Variants in TRIM66 observed in about 807,000 individuals in gnomAD.
TRIM66 encodes the protein tripartite motif-containing protein 66.
A neutral mutation model predicts 148.2 loss-of-function variants in TRIM66; 99 were observed. That is an observed-to-expected ratio of 0.67 (90% CI 0.57 to 0.79). The LOEUF (loss-of-function observed/expected upper bound fraction) is 0.79, where lower values mean the gene tolerates loss of function less well. Among genes scored for constraint, TRIM66 ranks in the 30% least tolerant of loss-of-function variants. The pLI is 0.00. For synonymous variants in TRIM66, 616 were observed against 635.9 expected, an observed-to-expected ratio of 0.97 and a Z score of 0.47; for missense variants, 1,666 against 1,697.9, an observed-to-expected ratio of 0.98 and a Z score of 0.33.
chr11:8,640,767 G>C lies in TRIM66; in HGVS notation c.1608C>G (p.Pro536=), dbSNP rs780500966. ...KLLQPWLETQ[P]PVEQESTSQR... Reference sequence around the variant, plus strand: ...GGGATGTGCTCTCCTGCTCCACGGGGGGCTGGGTTTCCAGCCAGGGCTGCA... The same window carrying C: ...GGGATGTGCTCTCCTGCTCCACGGGCGGCTGGGTTTCCAGCCAGGGCTGCA... The change falls in exon 14 of 25, where the codon CCC becomes CCG. Residue 536 remains proline, a synonymous_variant. Transcript: ENST00000646038. 12 of 1,551,336 alleles carry C rather than the reference G, an allele frequency of 7.7e-6. No individual in the cohort carries two copies. Among genetic ancestry groups the C allele is most frequent in the Non-Finnish European group, 1.0e-5 (12 of 1,147,008 alleles).
Position 8,640,883 on chromosome 11 carries a change from T to C in TRIM66, c.1492A>G (p.Met498Val), listed in dbSNP as rs377260488. 57 of 1,550,224 alleles carry C rather than the reference T, an allele frequency of 3.7e-5. No homozygotes were observed. The highest frequency in any genetic ancestry group is 4.7e-5 in the Non-Finnish European group (54 of 1,146,924). ...AGAGACCCCAGCTGCTGGGGCACCA[T>C]CTCAGGGGGCTGCCTGAAGCTGTGG... ...PAHSFRQPPEMVPQQLGSLQC... is the reference protein window; with the variant it reads ...PAHSFRQPPEVVPQQLGSLQC... The change falls in exon 14 of 25, where the codon ATG (methionine) becomes GTG (valine). Residue 498 changes from methionine (M) to valine (V), a missense_variant. Physicochemically the swap from Met to Val is conservative, Grantham distance 21 (BLOSUM62 1). Coordinates refer to ENST00000646038, the MANE Select transcript of TRIM66 (RefSeq NM_001388022.1).
intron 6 of TRIM66, among the ~76,000 whole-genome samples, chr11:8,660,623 A>C (rs2038181411): frequency 1.3e-5 from 2 of 152,238 alleles, no homozygotes; most frequent in African/African-American, 4.8e-5. Flanking sequence ...TTTACTATCT[A>C]GCCTTGTGCA....
chr11:8,638,546 A>G, intron 15 of TRIM66, 108 bp downstream of exon 15: 1 of 1,249,432 alleles, frequency 8.0e-7, no homozygotes, highest in Non-Finnish European at 1.1e-6. Flanking sequence ...GCGTCCAGGG[A>G]TGGAACAGGG....
Position 8,624,369 on chromosome 11 carries a change from C to G in TRIM66, c.3009G>C (p.Gln1003His). ...VSTSTALQQY[Q>H]NPKECENFEQ... ...CTGCTTGAGTCTCACCTTTTGGGTTCTGGTACTGCTGCAGAGCTGTAGACG... is the reference window on the plus strand; with the variant it reads ...CTGCTTGAGTCTCACCTTTTGGGTTGTGGTACTGCTGCAGAGCTGTAGACG... The change falls in exon 17 of 25, where the codon CAG becomes CAC. Residue 1003 changes from glutamine (Q) to histidine (H), a missense_variant. Physicochemically the swap from Gln to His is conservative, Grantham distance 24. Transcript: ENST00000646038. 6.4e-7 allele frequency: 1 copy of G among 1,550,678 alleles called. No homozygotes were observed. Among genetic ancestry groups the G allele is most frequent in the Non-Finnish European group, 8.7e-7 (1 of 1,146,752 alleles).
chr11:8,670,750 G>A (rs1458570915), intron 6 of TRIM66, among the ~76,000 whole-genome samples: 3 of 152,112 alleles, frequency 2.0e-5, no homozygotes, highest in Middle Eastern at 3.2e-3. Flanking sequence ...CTAAGTTTAT[G>A]TTTAAAAATC....
At chr11:8,621,925 A>G (rs2034261744) in intron 18 of TRIM66, 106 bp from the exon 19 acceptor site, 1 of 1,135,148 alleles carries the variant, frequency 8.8e-7, no homozygotes, top group Non-Finnish European at 1.2e-6. Flanking sequence ...TTGAGTGTCA[A>G]CTTGATTGGA....
intron 3 of TRIM66, among the ~76,000 whole-genome samples, chr11:8,678,675 G>A (rs999575206): frequency 6.6e-6 from 1 of 152,156 alleles, no homozygotes; most frequent in Admixed American, 6.5e-5. Context: ...TTCCCATCTT[G>A]ATTAACAGTG....
chr11:8,659,224 C>T (rs930620354), intron 6 of TRIM66, among the ~76,000 whole-genome samples: 5 of 152,062 alleles, frequency 3.3e-5, no homozygotes, highest in African/African-American at 7.2e-5. Flanking sequence ...ATGCTAAGCT[C>T]AGGAGCTTGA....
At chr11:8,631,812 T>C (rs9633894) in intron 15 of TRIM66, among the ~76,000 whole-genome samples, 133,107 of 152,258 alleles carry the variant, frequency 0.87, 58,333 homozygotes, top group South Asian at 0.9. Context: ...AGTTTATGAT[T>C]TCCTACAGAA....
chr11:8,621,768 C>T lies in TRIM66; in HGVS notation c.3132G>A (p.Lys1044=), dbSNP rs930163546. The T allele has an allele frequency of 1.9e-6, 3 of 1,551,102 alleles. No individual in the cohort carries two copies. In the African/African-American group the frequency reaches 4.1e-5, roughly 21 times the overall value. ...KIPYVRLERL[K]ICAASSGEMP... is the part of the protein sequence containing the mutation. ...TCTCTCCTGAGGAGGCAGCACAGATCTTGAGTCGCTCCAGTCGCACATAGG... is the reference window on the plus strand; with the variant it reads ...TCTCTCCTGAGGAGGCAGCACAGATTTTGAGTCGCTCCAGTCGCACATAGG... The change falls in exon 19 of 25, where the codon AAG becomes AAA. Residue 1044 remains lysine, a synonymous_variant. Coordinates refer to ENST00000646038, the MANE Select transcript of TRIM66 (RefSeq NM_001388022.1).
intron 17 of TRIM66, among the ~76,000 whole-genome samples, chr11:8,623,273 G>C (rs764361306): frequency 4.6e-5 from 7 of 152,202 alleles, no homozygotes; most frequent in Non-Finnish European, 1.0e-4. Context: ...TTCCAGCAGT[G>C]CTTGAGAATC....
rs918669369 is a variant in TRIM66 at position 8,651,956 on chromosome 11, A to C, written c.341-53T>G. 6 of 1,439,446 alleles carry C rather than the reference A, an allele frequency of 4.2e-6. No homozygotes were observed. In the African/African-American group the frequency reaches 8.5e-5, roughly 20 times the overall value. 89.2% of individuals were successfully genotyped at this position (1,439,446 alleles called of 1,614,324 possible). ...CAGGGCAACATGGCTGATTATAACT[A>C]AGGCCTGGACATAAGGCTTTCTAAT... On this transcript the variant is annotated intron_variant, in intron 6 of 24. Coordinates refer to ENST00000646038, the MANE Select transcript of TRIM66 (RefSeq NM_001388022.1).
At chr11:8,634,542 A>G (rs2035707051) in intron 15 of TRIM66, among the ~76,000 whole-genome samples, 1 of 152,354 alleles carries the variant, frequency 6.6e-6, no homozygotes, top group Admixed American at 6.5e-5. Flanking sequence ...GAATGCATCA[A>G]AATGTCTCCC....
Position 8,651,853 on chromosome 11 carries a change from T to C in TRIM66, c.391A>G (p.Thr131Ala). Residue 131 changes from threonine to alanine, a missense_variant, in exon 7 of 25, where the codon ACT becomes GCT. Around this residue, in one of 3 missense-constraint regions of TRIM66, gnomAD observed 1,431 missense variants for 1,412.4 expected, o/e 1.01. Coordinates refer to ENST00000646038, the MANE Select transcript of TRIM66 (RefSeq NM_001388022.1). ...ACACAATGCAGAAAAAAATGTTCAG[T>C]TACATCCCTGGTAAGATATACTCGT... ...CERVYLTRDV[T>A]EHFFLHCVPT... 1 of 1,551,684 alleles carries C rather than the reference T, an allele frequency of 6.4e-7. No individual in the cohort carries two copies. Among genetic ancestry groups the C allele is most frequent in the Non-Finnish European group, 8.7e-7 (1 of 1,147,000 alleles).
intron 6 of TRIM66, among the ~76,000 whole-genome samples, chr11:8,668,992 A>C (rs2038769503): frequency 6.6e-6 from 1 of 152,216 alleles, no homozygotes; most frequent in Non-Finnish European, 1.5e-5. Flanking sequence ...TGGTTAAAGT[A>C]AGTCATAGAA....
intron 9 of TRIM66, 66 bp from the exon 10 acceptor site, chr11:8,648,152 G>A (rs529307427): frequency 1.8e-5 from 25 of 1,363,678 alleles, no homozygotes; most frequent in East Asian, 1.5e-4. Flanking sequence ...CCAACCAAGC[G>A]GGAATCTCCA....
At chr11:8,665,003 C>T (rs1029692310) in intron 6 of TRIM66, among the ~76,000 whole-genome samples, 1 of 152,118 alleles carries the variant, frequency 6.6e-6, no homozygotes, top group Non-Finnish European at 1.5e-5. Context: ...ATGAACTCAG[C>T]CCCATGTAGC....
intron 4 of TRIM66, among the ~76,000 whole-genome samples, chr11:8,672,619 CTTTTT>C (rs11293374): frequency 2.6e-5 from 3 of 113,290 alleles, no homozygotes; most frequent in African/African-American, 3.4e-5. Flanking sequence ...ACTCCAGTCT[CTTTTT>C]TTTTTTTTTT....
intron 17 of TRIM66, among the ~76,000 whole-genome samples, chr11:8,623,726 A>C (rs2034532229): frequency 6.6e-6 from 1 of 152,178 alleles, no homozygotes; most frequent in African/African-American, 2.4e-5. Context: ...TGGTTGGAGA[A>C]GGGGCATGGG....
Sources: gnomAD v4.1 joint callset for allele counts (sites outside exome capture counted in the v4.1 genomes callset) on GRCh38, gnomAD v4.1.1 for gene constraint, gnomAD v4.1.1 regional missense constraint, MANE v1.5 for transcripts, NCBI Gene and HGNC (gene_info 2026-07-23, HGNC 2026-07-21) for gene names.